The following CPNE8 variants were observed in gnomAD, a reference collection of about 807,000 sequenced individuals.
CPNE8 encodes copine 8.
CPNE8 carries 45 observed loss-of-function variants against 81.5 expected under a neutral mutation model. That is an observed-to-expected ratio of 0.55 (90% CI 0.44 to 0.71). The LOEUF (loss-of-function observed/expected upper bound fraction) is 0.71. CPNE8 is among the 30% of genes least tolerant of loss of function. The pLI is 0.00. For missense variants in CPNE8, 594 were observed against 672.1 expected (o/e 0.88, Z 1.28); for synonymous variants, 252 against 226.3 (o/e 1.11, Z -1.02).
chr12:38,859,851 T>C (rs185991469), intron 3 of CPNE8, among the ~76,000 whole-genome samples: 3 of 152,104 alleles, frequency 2.0e-5, no homozygotes, highest in African/African-American at 7.2e-5. Context: ...AAAAATTCAA[T>C]ATTCATATAC....
At chr12:38,659,059 T>C (rs1275935784) in intron 19 of CPNE8, among the ~76,000 whole-genome samples, 1 of 152,106 alleles carries the variant, frequency 6.6e-6, no homozygotes, top group Non-Finnish European at 1.5e-5. Flanking sequence ...ATATTAACTT[T>C]AAATGTAAAT....
At chr12:38,701,787 C>G (rs1949738980) in intron 14 of CPNE8, among the ~76,000 whole-genome samples, 1 of 152,126 alleles carries the variant, frequency 6.6e-6, no homozygotes, top group African/African-American at 2.4e-5. Flanking sequence ...AGCCACCATG[C>G]CTGGCCTTAG....
chr12:38,775,060 C>T (rs1230607779), intron 7 of CPNE8, among the ~76,000 whole-genome samples: 1 of 152,116 alleles, frequency 6.6e-6, no homozygotes, highest in Non-Finnish European at 1.5e-5. Context: ...ATATGATTCC[C>T]TGAGCATATT....
chr12:38,735,886 T>G (rs899658420), intron 10 of CPNE8, among the ~76,000 whole-genome samples: 3 of 151,742 alleles, frequency 2.0e-5, no homozygotes, highest in Admixed American at 2.0e-4. Context: ...ATTAATAGTA[T>G]AAATTATTAT....
At chr12:38,661,466 G>T (rs1938951334) in intron 19 of CPNE8, among the ~76,000 whole-genome samples, 1 of 152,070 alleles carries the variant, frequency 6.6e-6, no homozygotes, top group Non-Finnish European at 1.5e-5. Flanking sequence ...TGGGGGTGGG[G>T]GACGTGGGGA....
At chr12:38,775,020 A>G (rs1025488298) in intron 7 of CPNE8, among the ~76,000 whole-genome samples, 1 of 152,146 alleles carries the variant, frequency 6.6e-6, no homozygotes, top group Non-Finnish European at 1.5e-5. Flanking sequence ...CAGCTGTAAT[A>G]CCCAGTTTCT....
intron 14 of CPNE8, among the ~76,000 whole-genome samples, chr12:38,695,088 T>C (rs1939764310): frequency 6.6e-6 from 1 of 152,156 alleles, no homozygotes; most frequent in South Asian, 2.1e-4. Flanking sequence ...AATGTTCCCC[T>C]CAACTTGACT....
chr12:38,711,316 G>A (rs1195402416), intron 13 of CPNE8, among the ~76,000 whole-genome samples: 1 of 152,150 alleles, frequency 6.6e-6, no homozygotes, highest in Non-Finnish European at 1.5e-5. Flanking sequence ...CAAGATTAGT[G>A]CTAGTCCTGA....
intron 19 of CPNE8, among the ~76,000 whole-genome samples, chr12:38,658,999 C>A (rs1290245119): frequency 6.6e-6 from 1 of 152,006 alleles, no homozygotes; most frequent in African/African-American, 2.4e-5. Flanking sequence ...AATTAATGGG[C>A]AAAATAACCA....
In CPNE8 at chr12:38,670,761, T is replaced by C. The variant is rs1939157375; in HGVS notation, c.1474A>G (p.Arg492Gly). 2 of 1,609,890 alleles carry C rather than the reference T, an allele frequency of 1.2e-6. No homozygotes were observed. The highest frequency in any genetic ancestry group is 1.7e-6 in the Non-Finnish European group (2 of 1,177,676). ...LDGDDVRVSSRGKYAERDIVQ... is the reference protein window; with the variant it reads ...LDGDDVRVSSGGKYAERDIVQ... Reference sequence around the variant, plus strand: ...ATGTCTCTTTCAGCATATTTTCCTCTAGAGGAGACTCTTACATCATCTCCA... The same window carrying C: ...ATGTCTCTTTCAGCATATTTTCCTCCAGAGGAGACTCTTACATCATCTCCA... Residue 492 changes from arginine (R) to glycine (G), a missense_variant, in exon 19 of 20, where the codon AGA becomes GGA. Transcript: ENST00000331366.
chr12:38,866,622 C>T (rs1441077294), intron 3 of CPNE8, among the ~76,000 whole-genome samples: 1 of 152,016 alleles, frequency 6.6e-6, no homozygotes, highest in Non-Finnish European at 1.5e-5. Context: ...ATTCAAATTC[C>T]AAAACATGTA....
chr12:38,777,317 G>A (rs1941956815), intron 6 of CPNE8, among the ~76,000 whole-genome samples: 1 of 152,010 alleles, frequency 6.6e-6, no homozygotes, highest in Non-Finnish European at 1.5e-5. Context: ...ACTGAATAAG[G>A]ATATAAAGAA....
chr12:38,810,570 A>G (rs1370977703), intron 6 of CPNE8, among the ~76,000 whole-genome samples: 1 of 152,188 alleles, frequency 6.6e-6, no homozygotes, highest in Non-Finnish European at 1.5e-5. Flanking sequence ...AAATTCTCCC[A>G]TTCTCCACCC....
At position 38,653,628 on chromosome 12, in the gene CPNE8, A is replaced by AAAAAAAAAAAT; in HGVS notation, c.*253_*254insATTTTTTTTTT. 2 of 294,238 alleles carry AAAAAAAAAAAT rather than the reference A, an allele frequency of 6.8e-6. No individual in the cohort carries two copies. Among genetic ancestry groups the AAAAAAAAAAAT allele is most frequent in the Non-Finnish European group, 1.3e-5 (2 of 156,968 alleles). The allele number at this position is 294,238 out of a possible 1,614,324, so 18.2% of individuals were successfully genotyped here. A position where few individuals can be genotyped will look rare whatever the true frequency, so the allele number is the denominator to read the frequency against. ...TTAGCTGTTTCTGTTAAAAAAAAAA[A>AAAAAAAAAAAT]GAAAGAAAGATTTAGAGAAGACATC... is the stretch of plus-strand genomic sequence containing the variant. On this transcript the variant is annotated 3_prime_UTR_variant, in exon 20 of 20. Coordinates refer to ENST00000331366, the MANE Select transcript of CPNE8 (RefSeq NM_153634.3).
chr12:38,665,983 C>T (rs1480951785), intron 19 of CPNE8, among the ~76,000 whole-genome samples: 5 of 152,148 alleles, frequency 3.3e-5, no homozygotes, highest in Admixed American at 3.3e-4. Flanking sequence ...ATGTACTGTA[C>T]TGATAATAAC....
rs145635815 is a variant in CPNE8 at position 38,653,952 on chromosome 12, C to T, written c.1625G>A (p.Arg542Gln). Residue 542 changes from arginine (R) to glutamine (Q), a missense_variant, in exon 20 of 20, where the codon CGA (arginine) becomes CAA (glutamine). Coordinates refer to ENST00000331366, the MANE Select transcript of CPNE8 (RefSeq NM_153634.3). ...PEQFLSYMRA[R>Q]GIKPSPAPPP... Reference sequence around the variant, plus strand: ...AGGCGCAGGTGATGGCTTGATTCCTCGGGCTCTCATATAGGAGAGAAACTG... The same window carrying T: ...AGGCGCAGGTGATGGCTTGATTCCTTGGGCTCTCATATAGGAGAGAAACTG... The T allele has an allele frequency of 3.6e-5, 58 of 1,613,456 alleles. No homozygotes were observed. The highest frequency in any genetic ancestry group is 8.3e-5 in the Admixed American group (5 of 59,958).
intron 13 of CPNE8, among the ~76,000 whole-genome samples, chr12:38,703,794 C>T (rs1477315876): frequency 6.6e-6 from 1 of 152,000 alleles, no homozygotes; most frequent in East Asian, 1.9e-4. Context: ...TGTTTATATA[C>T]CAATAATGTT....
rs184252552 is a variant in CPNE8 at position 38,761,667 on chromosome 12, A to G, written c.680+445T>C. Among the ~76,000 whole-genome samples the G allele has an allele frequency of 2.5e-4, 38 of 152,300 alleles. 1 individual carries two copies. The highest frequency in any genetic ancestry group is 1.2e-3 in the Admixed American group (19 of 15,300). ...AGTTTCATAAGAAAAAAACTTTGAT[A>G]TTAAGAAATCTTCAGGTATATTGTG... is the stretch of plus-strand genomic sequence containing the variant. On this transcript the variant is annotated intron_variant, in intron 9 of 19. Coordinates refer to ENST00000331366, the MANE Select transcript of CPNE8 (RefSeq NM_153634.3).
intron 1 of CPNE8, among the ~76,000 whole-genome samples, chr12:38,900,531 C>G (rs1944446170): frequency 1.3e-5 from 2 of 152,108 alleles, no homozygotes; most frequent in South Asian, 4.2e-4. Context: ...GGTAATATAC[C>G]TATGACACTG....
Sources: allele counts gnomAD v4.1 joint callset (sites outside exome capture counted in the v4.1 genomes callset), GRCh38; gene constraint gnomAD v4.1.1; transcripts MANE v1.5; gene names NCBI Gene and HGNC (gene_info 2026-07-23, HGNC 2026-07-21).